The following NEDD8 variants were observed in gnomAD, a reference collection of about 807,000 sequenced individuals.
NEDD8 encodes ubiquitin-like protein NEDD8.
NEDD8 carries 1 observed loss-of-function variant against 13.8 expected under a neutral mutation model. The ratio of observed to expected loss-of-function variants is 0.07; its 90% CI spans 0.03 to 0.34. NEDD8 has a LOEUF of 0.34. NEDD8 is among the 10% of genes least tolerant of loss of function. The pLI is 0.99. For missense variants in NEDD8, 10 were observed against 95.2 expected, an observed-to-expected ratio of 0.10 and a Z score of 3.73; for synonymous variants, 31 against 33.2, an observed-to-expected ratio of 0.93 and a Z score of 0.23.
At chr14:24,217,265 T>G (rs759490661) in intron 3 of NEDD8, 42 bp from the exon 4 acceptor site, 1 of 1,514,386 alleles carries the variant, frequency 6.6e-7, no homozygotes, top group South Asian at 1.2e-5. Flanking sequence ...AAAGAAGACT[T>G]AGGAGTTTTT....
intron 1 of NEDD8, chr14:24,227,916 GA>G (rs2039920541): frequency 6.6e-6 from 1 of 152,130 alleles, no homozygotes; most frequent in African/African-American, 2.4e-5. Context: ...GCAACATGGT[GA>G]AACCCCACCT....
At chr14:24,219,493 A>G (rs1451033550) in intron 1 of NEDD8, among the ~76,000 whole-genome samples, 1 of 137,246 alleles carries the variant, frequency 7.3e-6, no homozygotes, top group South Asian at 2.1e-4. Context: ...AAAAAAAAAA[A>G]AAAAAAAAGA....
chr14:24,219,326 A>AACG (rs1404402787), intron 1 of NEDD8, among the ~76,000 whole-genome samples: 1 of 151,138 alleles, frequency 6.6e-6, no homozygotes, highest in African/African-American at 2.4e-5. Context: ...CAACAACAAC[A>AACG]ACAAAAATTA....
chr14:24,218,297 A>G (rs762599250), intron 2 of NEDD8, 82 bp from the exon 3 acceptor site: 40 of 1,613,838 alleles, frequency 2.5e-5, no homozygotes, highest in Non-Finnish European at 3.4e-5. Flanking sequence ...TGCAGACAGC[A>G]TGAGAGCAAA....
intron 1 of NEDD8, 65 bp from the exon 2 acceptor site, chr14:24,218,496 CATCCTATG>C: frequency 6.2e-7 from 1 of 1,612,078 alleles, no homozygotes; most frequent in South Asian, 1.1e-5. Flanking sequence ...CTAGGTAAAA[CATCCTATG>C]TTGGTCTTTG....
chr14:24,218,235 CAG>C lies in NEDD8; in HGVS notation c.67-22_67-21del. On this transcript the variant is annotated intron_variant, in intron 2 of 3. Transcript: ENST00000250495. The stretch of plus-strand genomic sequence containing the variant: ...CTCCACCTTTAGAGAGACAAGTAGT[CAG>C]GGGCTGCTGCTTAGGGGTAGGACCA... 2.5e-6 allele frequency: 4 copies of C among 1,614,172 alleles called. No homozygotes were observed. The South Asian group carries it at 4.4e-5, about 18-fold the overall frequency.
intron 1 of NEDD8, 181 bp downstream of exon 1, chr14:24,232,069 G>C (rs1276857581): frequency 1.1e-5 from 10 of 910,388 alleles, no homozygotes; most frequent in Non-Finnish European, 1.6e-5. Flanking sequence ...GTGGGACCTG[G>C]GCCCCGCTCT....
At chr14:24,230,313 T>C (rs2138911658) in intron 1 of NEDD8, among the ~76,000 whole-genome samples, 1 of 140,322 alleles carries the variant, frequency 7.1e-6, no homozygotes. Context: ...GGCGGGCGGA[T>C]CACGAGGTCA....
Position 24,217,227 on chromosome 14 carries a change from C to T in NEDD8, c.150-4G>A, listed in dbSNP as rs373536453. 9 of 1,606,326 alleles carry T rather than the reference C, an allele frequency of 5.6e-6. No homozygotes were observed. In the African/African-American group the frequency reaches 1.2e-4, roughly 22 times the overall value. The stretch of plus-strand genomic sequence containing the variant: ...AGCTGCTGTCTTCTCATCATTCCTG[C>T]AGGAAAAGGAAGCCAGAAAAAAAAG... On this transcript the variant is annotated splice_polypyrimidine_tract_variant and splice_region_variant and intron_variant, in intron 3 of 3. Transcript: ENST00000250495.
chr14:24,219,973 T>C (rs1162497090), intron 1 of NEDD8, among the ~76,000 whole-genome samples: 3 of 152,136 alleles, frequency 2.0e-5, no homozygotes, highest in African/African-American at 7.2e-5. Context: ...AAGCCTTCTC[T>C]ATTAAAAAAT....
chr14:24,221,562 G>A (rs993879908), intron 1 of NEDD8, among the ~76,000 whole-genome samples: 9 of 152,098 alleles, frequency 5.9e-5, no homozygotes, highest in Admixed American at 3.3e-4. Flanking sequence ...TTATAGGCAT[G>A]AGCCACCGTG....
intron 1 of NEDD8, among the ~76,000 whole-genome samples, chr14:24,223,821 G>A (rs566771805): frequency 6.0e-5 from 9 of 151,178 alleles, no homozygotes; most frequent in South Asian, 4.2e-4. Flanking sequence ...CACAACCTCC[G>A]CCTCCCAGGC....
intron 1 of NEDD8, among the ~76,000 whole-genome samples, chr14:24,219,715 T>C (rs1485540293): frequency 6.6e-6 from 1 of 152,180 alleles, no homozygotes; most frequent in Non-Finnish European, 1.5e-5. Context: ...TCTATCTGTA[T>C]TAGTCTACAG....
chr14:24,224,947 C>G (rs988851645), intron 1 of NEDD8, among the ~76,000 whole-genome samples: 1 of 151,978 alleles, frequency 6.6e-6, no homozygotes, highest in Non-Finnish European at 1.5e-5. Flanking sequence ...TCGCTTGAGG[C>G]CAGGAATTTG....
intron 1 of NEDD8, among the ~76,000 whole-genome samples, chr14:24,225,408 T>TA (rs1404544463): frequency 6.6e-6 from 1 of 152,182 alleles, no homozygotes; most frequent in Non-Finnish European, 1.5e-5. Flanking sequence ...AGCAATCAGT[T>TA]AAATTTTTGG....
chr14:24,225,368 G>C (rs1203587688), intron 1 of NEDD8, among the ~76,000 whole-genome samples: 1 of 152,090 alleles, frequency 6.6e-6, no homozygotes, highest in African/African-American at 2.4e-5. Flanking sequence ...AAAAAAGAGA[G>C]AGAGACAATA....
At chr14:24,225,393 T>C (rs1340526469) in intron 1 of NEDD8, among the ~76,000 whole-genome samples, 2 of 152,182 alleles carry the variant, frequency 1.3e-5, no homozygotes, top group African/African-American at 4.8e-5. Flanking sequence ...AATTTGATGA[T>C]AGTAAGCAAT....
intron 1 of NEDD8, among the ~76,000 whole-genome samples, chr14:24,223,683 G>A (rs1056966840): frequency 1.3e-5 from 2 of 151,246 alleles, no homozygotes; most frequent in Non-Finnish European, 2.9e-5. Flanking sequence ...TGAATAGCTG[G>A]GACTACAAGC....
chr14:24,218,473 T>C, intron 1 of NEDD8, 42 bp from the exon 2 acceptor site: 1 of 1,614,174 alleles, frequency 6.2e-7, no homozygotes. Context: ...AAGCCCAATG[T>C]ACAATTTGTC....
Sources: allele counts gnomAD v4.1 joint callset (sites outside exome capture counted in the v4.1 genomes callset), GRCh38; gene constraint gnomAD v4.1.1; transcripts MANE v1.5; gene names NCBI Gene and HGNC (gene_info 2026-07-23, HGNC 2026-07-21).